Variants in ESRRB observed in about 807,000 individuals in gnomAD.
ESRRB encodes estrogen related receptor beta.
A neutral mutation model predicts 46.0 loss-of-function variants in ESRRB; 16 were observed. The observed-to-expected ratio is 0.35, with a 90% confidence interval of 0.24 to 0.53. The LOEUF is 0.53. ESRRB is among the 20% of genes least tolerant of loss of function. The pLI is 0.93. For missense variants in ESRRB, 488 were observed against 607.4 expected (o/e 0.80, Z 2.07); for synonymous variants, 246 against 259.6 (o/e 0.95, Z 0.50).
At chr14:76,332,906 C>T (rs188946490) in intron 1 of ESRRB, among the ~76,000 whole-genome samples, 364 of 5,692 alleles carry the variant, frequency 0.064, 14 homozygotes, top group Middle Eastern at 0.17. Context: ...ATATTATATA[C>T]TTATATATTA....
intron 3 of ESRRB, among the ~76,000 whole-genome samples, chr14:76,480,000 TG>T (rs1480508580): frequency 6.6e-6 from 1 of 152,150 alleles, no homozygotes; most frequent in Non-Finnish European, 1.5e-5. Flanking sequence ...CCCGAGTAGC[TG>T]GAATTACAGG....
chr14:76,489,520 T>C (rs7160216), intron 5 of ESRRB, among the ~76,000 whole-genome samples: 28,633 of 147,030 alleles, frequency 0.19, 3,340 homozygotes, highest in East Asian at 0.62. Context: ...AGAAGGTGCA[T>C]CAATCAAAGC....
intron 1 of ESRRB, among the ~76,000 whole-genome samples, chr14:76,418,867 T>C (rs1200392124): frequency 1.3e-5 from 2 of 151,090 alleles, no homozygotes; most frequent in Non-Finnish European, 3.0e-5. Flanking sequence ...CCGCCCACCT[T>C]GGCCTCCAAA....
At chr14:76,347,274 T>C (rs1055423029) in intron 1 of ESRRB, among the ~76,000 whole-genome samples, 1 of 152,192 alleles carries the variant, frequency 6.6e-6, no homozygotes, top group Non-Finnish European at 1.5e-5. Context: ...AGATTACTAT[T>C]GTGCATGGAC....
intron 1 of ESRRB, among the ~76,000 whole-genome samples, chr14:76,425,885 A>G (rs1319280130): frequency 6.6e-6 from 1 of 151,982 alleles, no homozygotes; most frequent in East Asian, 1.9e-4. Flanking sequence ...CACCACGCCC[A>G]GCTAATTTTG....
chr14:76,314,415 G>A (rs1410057399), intron 1 of ESRRB, among the ~76,000 whole-genome samples: 3 of 152,174 alleles, frequency 2.0e-5, no homozygotes, highest in Non-Finnish European at 4.4e-5. Flanking sequence ...GTTCGGAGGT[G>A]AGAACATAGA....
intron 1 of ESRRB, among the ~76,000 whole-genome samples, chr14:76,377,583 CT>C (rs934054244): frequency 6.6e-6 from 1 of 152,090 alleles, no homozygotes; most frequent in African/African-American, 2.4e-5. Context: ...TCGTCTTCCT[CT>C]TTTTTTTCTG....
chr14:76,439,331 G>C lies in ESRRB; in HGVS notation c.51-10G>C. The C allele has an allele frequency of 6.2e-7, 1 of 1,607,216 alleles. No homozygotes were observed. On this transcript the variant is annotated splice_polypyrimidine_tract_variant and intron_variant, in intron 1 of 6. Transcript: ENST00000644823. ...CTTGCTGGGGCTGACTTCCCGATTT[G>C]TGTCCACAGGCTGCTGAACAGGATG...
chr14:76,327,192 T>A (rs952164874), intron 1 of ESRRB, among the ~76,000 whole-genome samples: 4 of 152,206 alleles, frequency 2.6e-5, no homozygotes, highest in Non-Finnish European at 4.4e-5. Context: ...TGTCCTGGTG[T>A]CTCTTGCATA....
At chr14:76,457,245 C>T (rs977350544) in intron 2 of ESRRB, among the ~76,000 whole-genome samples, 5 of 151,916 alleles carry the variant, frequency 3.3e-5, no homozygotes, top group Admixed American at 6.6e-5. Context: ...CGGCAGCATC[C>T]ACTCTGAGGT....
At chr14:76,331,104 C>A (rs934878070) in intron 1 of ESRRB, among the ~76,000 whole-genome samples, 2 of 152,064 alleles carry the variant, frequency 1.3e-5, no homozygotes, top group African/African-American at 2.4e-5. Flanking sequence ...AGGAAGGGAT[C>A]GCCTCCCCAT....
intron 1 of ESRRB, among the ~76,000 whole-genome samples, chr14:76,338,726 A>G (rs905987701): frequency 6.6e-5 from 10 of 152,212 alleles, no homozygotes; most frequent in Non-Finnish European, 1.2e-4. Context: ...TGGGTGGATC[A>G]CTTGAGGTCA....
At chr14:76,374,511 A>G (rs1884698517), upstream of ESRRB, among the ~76,000 whole-genome samples, 1 of 152,120 alleles carries the variant, frequency 6.6e-6, no homozygotes. Flanking sequence ...CCTTTTTCCT[A>G]ATTGCAACAA....
intron 1 of ESRRB, among the ~76,000 whole-genome samples, chr14:76,324,963 C>CTTTTTTTTTT (rs34780208): frequency 4.9e-5 from 5 of 102,208 alleles, no homozygotes; most frequent in Non-Finnish European, 1.0e-4. Context: ...TTTTCTTTTT[C>CTTTTTTTTTT]TTTTTTTTTT....
In ESRRB at chr14:76,332,766, TAA is replaced by T. The variant is rs1158731448; in HGVS notation, c.2+21851_2+21852del. ...TATTTATATATTATATATAAATATA[TAA>T]TATATATTATATATTATATATAAAT... On this transcript the variant is annotated intron_variant, in intron 1 of 6. Coordinates refer to the ESRRB transcript ENST00000512784. Among the ~76,000 whole-genome samples, 56 of 13,498 alleles carry T rather than the reference TAA, an allele frequency of 4.1e-3. 3 individuals are homozygous for T. The highest frequency in any genetic ancestry group is 0.013 in the African/African-American group (53 of 3,964). 8.9% of individuals were successfully genotyped at this position (13,498 alleles called of 152,430 possible).
At chr14:76,353,039 C>T (rs1174210333) in intron 1 of ESRRB, among the ~76,000 whole-genome samples, 1 of 152,252 alleles carries the variant, frequency 6.6e-6, no homozygotes, top group Non-Finnish European at 1.5e-5. Context: ...TGGCCACGGA[C>T]CTTTGCCCTC....
chr14:76,312,933 T>G (rs1340401163), intron 1 of ESRRB, among the ~76,000 whole-genome samples: 3 of 152,174 alleles, frequency 2.0e-5, no homozygotes, highest in Admixed American at 6.5e-5. Context: ...ACCTGCACAC[T>G]GGAGCCTGCC....
intron 1 of ESRRB, among the ~76,000 whole-genome samples, chr14:76,348,942 C>T (rs1360940202): frequency 6.6e-6 from 1 of 152,150 alleles, no homozygotes; most frequent in East Asian, 1.9e-4. Context: ...GAATGAGACA[C>T]ACCTACCCTG....
chr14:76,434,229 G>A (rs1320105385), intron 1 of ESRRB, among the ~76,000 whole-genome samples: 8 of 152,202 alleles, frequency 5.3e-5, no homozygotes. Flanking sequence ...GTCTCCCAGA[G>A]GGTCTGGCCT....
Sources: allele counts gnomAD v4.1 joint callset (sites outside exome capture counted in the v4.1 genomes callset), GRCh38; gene constraint gnomAD v4.1.1; transcripts MANE v1.5; gene names NCBI Gene and HGNC (gene_info 2026-07-23, HGNC 2026-07-21).